The following ENOPH1 variants were observed in gnomAD, a reference collection of about 807,000 sequenced individuals.
ENOPH1 encodes the protein enolase-phosphatase 1, also known as enolase-phosphatase E1.
A neutral mutation model predicts 31.1 loss-of-function variants in ENOPH1; 14 were observed. The ratio of observed to expected loss-of-function variants is 0.45; its 90% CI spans 0.30 to 0.70. The LOEUF (loss-of-function observed/expected upper bound fraction) is 0.70, where lower values mean the gene tolerates loss of function less well. Among genes scored for constraint, ENOPH1 ranks in the 30% least tolerant of loss-of-function variants. ENOPH1 has a pLI of 0.09. For missense variants in ENOPH1, 243 were observed against 321.5 expected (o/e 0.76, Z 1.87); for synonymous variants, 127 against 123.2 (o/e 1.03, Z -0.21).
intron 1 of ENOPH1, among the ~76,000 whole-genome samples, chr4:82,444,592 A>G (rs923768002): frequency 7.9e-5 from 12 of 152,330 alleles, no homozygotes; most frequent in East Asian, 7.7e-4. Context: ...GAACTTCTAA[A>G]CATTTACAAG....
At chr4:82,442,558 A>ATT (rs144884263) in intron 1 of ENOPH1, among the ~76,000 whole-genome samples, 2 of 150,680 alleles carry the variant, frequency 1.3e-5, no homozygotes, top group Non-Finnish European at 1.5e-5. Context: ...GCAATCTATG[A>ATT]TTTTTTTTTT....
At chr4:82,448,739 T>A (rs1722263278) in intron 2 of ENOPH1, among the ~76,000 whole-genome samples, 2 of 150,136 alleles carry the variant, frequency 1.3e-5, no homozygotes, top group Non-Finnish European at 3.0e-5. Context: ...CTGGCCAAAA[T>A]GGTGAAACGC....
chr4:82,438,755 G>A (rs1422420252), intron 1 of ENOPH1, among the ~76,000 whole-genome samples: 1 of 152,152 alleles, frequency 6.6e-6, no homozygotes, highest in African/African-American at 2.4e-5. Flanking sequence ...TGCTCATACA[G>A]ACTTTTAAAA....
At chr4:82,455,355 C>T (rs1002917746) in intron 4 of ENOPH1, among the ~76,000 whole-genome samples, 2 of 152,166 alleles carry the variant, frequency 1.3e-5, no homozygotes, top group African/African-American at 4.8e-5. Context: ...GAAGTGACTA[C>T]ATTTAGGGTT....
chr4:82,451,188 A>G lies in ENOPH1; in HGVS notation c.332A>G (p.Lys111Arg), dbSNP rs749901710. Residue 111 changes from lysine (K) to arginine (R), a missense_variant, in exon 3 of 6, where the codon AAA (lysine) becomes AGA (arginine). Coordinates refer to ENST00000273920, the MANE Select transcript of ENOPH1 (RefSeq NM_021204.5). ...CTGGATCGAAAGACCACTGCACTCA[A>G]ACAGCTGCAGGGCCACATGTGGAGG... The part of the protein sequence containing the change: ...MSLDRKTTAL[K>R]QLQGHMWRAA... 4 of 1,614,216 alleles carry G rather than the reference A, an allele frequency of 2.5e-6. No individual in the cohort carries two copies. Among genetic ancestry groups the G allele is most frequent in the South Asian group, 1.1e-5 (1 of 91,082 alleles).
At chr4:82,434,347 G>A (rs1321432171) in intron 1 of ENOPH1, among the ~76,000 whole-genome samples, 1 of 152,158 alleles carries the variant, frequency 6.6e-6, no homozygotes, top group Non-Finnish European at 1.5e-5. Context: ...ACTTTGGGAC[G>A]CCGAAGCAGG....
chr4:82,431,023 G>GCTGC (rs1721736628), intron 1 of ENOPH1, 110 bp downstream of exon 1: 1 of 745,018 alleles, frequency 1.3e-6, no homozygotes, highest in African/African-American at 2.6e-5. Flanking sequence ...AGGCGGTGTG[G>GCTGC]CTGCCTCTTG....
At chr4:82,431,961 A>T (rs1166910492) in intron 1 of ENOPH1, among the ~76,000 whole-genome samples, 2 of 145,414 alleles carry the variant, frequency 1.4e-5, no homozygotes, top group Admixed American at 1.4e-4. Context: ...CCCAGGCTGG[A>T]GTGGAGTGGA....
At chr4:82,458,283 G>C (rs544809898) in intron 5 of ENOPH1, among the ~76,000 whole-genome samples, 18 of 152,270 alleles carry the variant, frequency 1.2e-4, no homozygotes, top group Admixed American at 1.0e-3. Context: ...AAGGTGGGTG[G>C]ATCATTTGAG....
At chr4:82,441,069 A>AT (rs1412208559) in intron 1 of ENOPH1, among the ~76,000 whole-genome samples, 1 of 152,210 alleles carries the variant, frequency 6.6e-6, no homozygotes, top group Non-Finnish European at 1.5e-5. Flanking sequence ...TATCTGGCAG[A>AT]TGGCATGGAC....
chr4:82,447,832 C>A, intron 1 of ENOPH1, 88 bp from the exon 2 acceptor site: 1 of 672,092 alleles, frequency 1.5e-6, no homozygotes, highest in Non-Finnish European at 2.4e-6. Context: ...TTATTTGTTA[C>A]AGTTATGTAG....
At chr4:82,441,124 A>C (rs940725799) in intron 1 of ENOPH1, among the ~76,000 whole-genome samples, 18 of 152,214 alleles carry the variant, frequency 1.2e-4, no homozygotes, top group African/African-American at 3.4e-4. Flanking sequence ...TATTTAAACA[A>C]AGCTTGGTGT....
At chr4:82,455,678 C>T (rs1262684436) in intron 4 of ENOPH1, among the ~76,000 whole-genome samples, 2 of 151,638 alleles carry the variant, frequency 1.3e-5, no homozygotes, top group South Asian at 2.1e-4. Context: ...CCCAGCTACT[C>T]GGGAGGCTGA....
intron 2 of ENOPH1, among the ~76,000 whole-genome samples, chr4:82,449,534 G>A (rs958902753): frequency 6.6e-6 from 1 of 152,098 alleles, no homozygotes; most frequent in Non-Finnish European, 1.5e-5. Context: ...GAGGGGAGGT[G>A]CTACACACTT....
chr4:82,449,328 C>T (rs1722286898), intron 2 of ENOPH1, among the ~76,000 whole-genome samples: 1 of 152,150 alleles, frequency 6.6e-6, no homozygotes, highest in Non-Finnish European at 1.5e-5. Flanking sequence ...AGTCTGTTCT[C>T]ACATTGCTGT....
intron 1 of ENOPH1, among the ~76,000 whole-genome samples, chr4:82,437,542 A>G (rs1457409825): frequency 6.6e-6 from 1 of 152,210 alleles, no homozygotes; most frequent in Non-Finnish European, 1.5e-5. Flanking sequence ...TGCACTCATT[A>G]ACTTAAAAAA....
chr4:82,454,598 A>G, intron 3 of ENOPH1, 124 bp from the exon 4 acceptor site: 1 of 1,038,816 alleles, frequency 9.6e-7, no homozygotes, highest in South Asian at 1.7e-5. Context: ...TTGTAGTCTC[A>G]GGGAGCTGCT....
chr4:82,439,726 A>G (rs995267026), intron 1 of ENOPH1, among the ~76,000 whole-genome samples: 1 of 152,192 alleles, frequency 6.6e-6, no homozygotes, highest in African/African-American at 2.4e-5. Flanking sequence ...CAGTAAGTTG[A>G]GTAAATTTTG....
chr4:82,443,528 G>A (rs184000628), intron 1 of ENOPH1, among the ~76,000 whole-genome samples: 6,692 of 146,962 alleles, frequency 0.046, 207 homozygotes, highest in Admixed American at 0.064. Flanking sequence ...GGAGATCGAG[G>A]CCATCCTGGT....
Sources: gnomAD v4.1 joint callset for allele counts (sites outside exome capture counted in the v4.1 genomes callset) on GRCh38, gnomAD v4.1.1 for gene constraint, MANE v1.5 for transcripts, NCBI Gene and HGNC (gene_info 2026-07-23, HGNC 2026-07-21) for gene names.